MET: variants seen among roughly 807,000 people sequenced by gnomAD.
MET encodes MET proto-oncogene, receptor tyrosine kinase.
MET carries 48 observed loss-of-function variants against 133.1 expected under a neutral mutation model. That is an observed-to-expected ratio of 0.36 (90% CI 0.29 to 0.46). The LOEUF (loss-of-function observed/expected upper bound fraction) is 0.46. Among genes scored for constraint, MET ranks in the 20% least tolerant of loss-of-function variants. The pLI, the probability that MET is intolerant of heterozygous loss-of-function variation, is 1.00. For synonymous variants in MET, 628 were observed against 616.5 expected, an observed-to-expected ratio of 1.02 and a Z score of -0.28; for missense variants, 1,442 against 1,695.9, an observed-to-expected ratio of 0.85 and a Z score of 2.63.
At chr7:116,769,586 T>A (rs2116981570) in intron 11 of MET, 59 bp from the exon 12 acceptor site, 1 of 1,595,618 alleles carries the variant, frequency 6.3e-7, no homozygotes, top group Non-Finnish European at 8.6e-7. Flanking sequence ...TTTGCCATTG[T>A]TAGCATTCCT....
chr7:116,760,158 T>C (rs902129100), intron 10 of MET, among the ~76,000 whole-genome samples: 2 of 152,196 alleles, frequency 1.3e-5, no homozygotes, highest in Non-Finnish European at 2.9e-5. Context: ...TCATAGAACA[T>C]GGACCCTTTT....
In MET at chr7:116,754,992, G is replaced by GAAAGAAAGAA. The variant is rs1408603216; in HGVS notation, c.1702-361_1702-352dup. Reference sequence around the variant, plus strand: ...GAAGGAAGCAGAGAAAGGAAAGAAAGAAAGAAAGAAAGAAAGAAAGAAAGA... The same window carrying GAAAGAAAGAA: ...GAAGGAAGCAGAGAAAGGAAAGAAAGAAAGAAAGAAAAAGAAAGAAAGAAAGAAAGAAAGA... On this transcript the variant is annotated intron_variant, in intron 5 of 20. Coordinates refer to ENST00000397752, the MANE Select transcript of MET (RefSeq NM_000245.4). Among the ~76,000 whole-genome samples, 16 of 142,260 alleles carry GAAAGAAAGAA rather than the reference G, an allele frequency of 1.1e-4. 1 individual carries two copies. In the East Asian group the frequency reaches 3.3e-3, roughly 30 times the overall value. 93.3% of individuals were successfully genotyped at this position (142,260 alleles called of 152,430 possible).
At chr7:116,736,624 A>G (rs1030034254) in intron 3 of MET, among the ~76,000 whole-genome samples, 1 of 152,114 alleles carries the variant, frequency 6.6e-6, no homozygotes, top group Non-Finnish European at 1.5e-5. Context: ...TTGTACATGT[A>G]TTTCTTCCCC....
At chr7:116,726,598 G>A (rs566551459) in intron 2 of MET, among the ~76,000 whole-genome samples, 1 of 152,244 alleles carries the variant, frequency 6.6e-6, no homozygotes, top group East Asian at 1.9e-4. Flanking sequence ...CAGTGACTGT[G>A]GAAAGTGGAG....
At chr7:116,774,271 G>A (rs187352390) in intron 14 of MET, among the ~76,000 whole-genome samples, 172 of 152,056 alleles carry the variant, frequency 1.1e-3, no homozygotes, top group African/African-American at 3.9e-3. Flanking sequence ...TAAACAACAA[G>A]GATGGTCCAC....
At chr7:116,744,180 A>T (rs1398104958) in intron 5 of MET, among the ~76,000 whole-genome samples, 1 of 152,206 alleles carries the variant, frequency 6.6e-6, no homozygotes, top group Non-Finnish European at 1.5e-5. Context: ...AATTGGACAG[A>T]GAATGAGTTT....
chr7:116,791,482 C>A (rs1188940748), intron 19 of MET, among the ~76,000 whole-genome samples: 2 of 152,116 alleles, frequency 1.3e-5, no homozygotes, highest in Non-Finnish European at 2.9e-5. Flanking sequence ...AGCTTATTTG[C>A]CATCCTTATA....
chr7:116,781,032 T>A (rs192530910), intron 17 of MET, among the ~76,000 whole-genome samples: 1 of 152,298 alleles, frequency 6.6e-6, no homozygotes, highest in African/African-American at 2.4e-5. Context: ...TCCAGAGCCC[T>A]TATCTAACCT....
intron 1 of MET, among the ~76,000 whole-genome samples, chr7:116,682,137 CA>C (rs1314775000): frequency 2.6e-5 from 4 of 150,950 alleles, no homozygotes; most frequent in South Asian, 2.1e-4. Context: ...AAGAACTTAC[CA>C]AAAAAAAATT....
chr7:116,744,537 A>G (rs1793590933), intron 5 of MET, among the ~76,000 whole-genome samples: 1 of 152,238 alleles, frequency 6.6e-6, no homozygotes. Flanking sequence ...ATATGCGACT[A>G]TGTGAAAAGA....
At chr7:116,722,192 A>C (rs1415764094) in intron 2 of MET, among the ~76,000 whole-genome samples, 1 of 151,908 alleles carries the variant, frequency 6.6e-6, no homozygotes, top group African/African-American at 2.4e-5. Context: ...ATATATATTT[A>C]GGATAGTTAG....
chr7:116,785,959 C>A lies in MET; in HGVS notation c.3798+2490C>A, dbSNP rs76729878. ...TGTCCAGGCAGAGAAGTCCATCAGGCAATTGAAAATGTGAATCTGCAACTT... is the reference window on the plus strand; with the variant it reads ...TGTCCAGGCAGAGAAGTCCATCAGGAAATTGAAAATGTGAATCTGCAACTT... On this transcript the variant is annotated intron_variant, in intron 19 of 20. Coordinates refer to ENST00000397752, the MANE Select transcript of MET (RefSeq NM_000245.4). 7.6e-3 allele frequency among the ~76,000 whole-genome samples: 1,156 copies of A among 152,326 alleles called. 5 individuals carry two copies. Among genetic ancestry groups the A allele is most frequent in the Non-Finnish European group, 0.013 (884 of 68,022 alleles).
chr7:116,757,562 ATGT>A (rs1562921924), intron 7 of MET, 23 bp downstream of exon 7: 2 of 1,612,932 alleles, frequency 1.2e-6, no homozygotes, highest in Non-Finnish European at 1.7e-6. Context: ...CTATCCTATC[ATGT>A]TTGATTTTTA....
At chr7:116,734,241 A>T (rs1793129729) in intron 3 of MET, among the ~76,000 whole-genome samples, 1 of 152,280 alleles carries the variant, frequency 6.6e-6, no homozygotes, top group Non-Finnish European at 1.5e-5. Flanking sequence ...TTCCCCCCAA[A>T]GACAGCTGCC....
chr7:116,715,745 T>A (rs1384170447), intron 2 of MET, among the ~76,000 whole-genome samples: 2 of 152,204 alleles, frequency 1.3e-5, no homozygotes, highest in Non-Finnish European at 2.9e-5. Context: ...GATCTAGGAA[T>A]CCTAAAGCTG....
chr7:116,672,649 T>C, intron 1 of MET, 72 bp downstream of exon 1: 1 of 372,984 alleles, frequency 2.7e-6, no homozygotes, highest in South Asian at 1.4e-4. Flanking sequence ...TTTGTTCCCC[T>C]AAGAGACCTG....
At position 116,782,006 on chromosome 7, in the gene MET, C is replaced by T. The variant is rs1318638076; in HGVS notation, c.3541C>T (p.Leu1181Phe). Residue 1181 changes from leucine (L) to phenylalanine (F), a missense_variant, in exon 18 of 21, where the codon CTT becomes TTT. Leu to Phe is a conservative substitution (Grantham distance 22, BLOSUM62 0). Around this residue, in one of 6 missense-constraint regions of MET, gnomAD observed 514 missense variants for 659.6 expected, o/e 0.78. Transcript: ENST00000397752. ...NETHNPTVKD[L>F]IGFGLQVAKG... is the part of the protein sequence containing the mutation. Reference sequence around the variant, plus strand: ...ACTGCAGAATCCAACTGTAAAAGATCTTATTGGCTTTGGTCTTCAAGTAGC... The same window carrying T: ...ACTGCAGAATCCAACTGTAAAAGATTTTATTGGCTTTGGTCTTCAAGTAGC... 1 of 1,613,118 alleles carries T rather than the reference C, an allele frequency of 6.2e-7. No individual in the cohort carries two copies.
At chr7:116,722,999 T>G (rs1792561905) in intron 2 of MET, among the ~76,000 whole-genome samples, 1 of 149,004 alleles carries the variant, frequency 6.7e-6, no homozygotes, top group African/African-American at 2.5e-5. Context: ...TGTGGTGTTC[T>G]CTGTATTTCC....
chr7:116,707,127 A>T (rs1380218442), intron 2 of MET, among the ~76,000 whole-genome samples: 1 of 152,064 alleles, frequency 6.6e-6, no homozygotes, highest in African/African-American at 2.4e-5. Flanking sequence ...GACAAAGTGT[A>T]GCTACCCATA....
Sources: gnomAD v4.1 joint callset for allele counts (sites outside exome capture counted in the v4.1 genomes callset) on GRCh38, gnomAD v4.1.1 for gene constraint, gnomAD v4.1.1 regional missense constraint, MANE v1.5 for transcripts, NCBI Gene and HGNC (gene_info 2026-07-23, HGNC 2026-07-21) for gene names.